CCSER1: variants seen among roughly 807,000 people sequenced by gnomAD.
The protein encoded by CCSER1 is serine-rich coiled-coil domain-containing protein 1.
In CCSER1, 41 loss-of-function variants were observed where a neutral mutation model predicts 82.0. The ratio of observed to expected loss-of-function variants is 0.50; its 90% CI spans 0.39 to 0.65. The LOEUF is 0.65. Among genes scored for constraint, CCSER1 ranks in the 30% least tolerant of loss-of-function variants. The pLI is 0.00. For synonymous variants in CCSER1, 414 were observed against 383.9 expected (o/e 1.08, Z -0.92); for missense variants, 1,119 against 1,064.2 (o/e 1.05, Z -0.72).
At chr4:90,649,988 G>A (rs1029755064) in intron 6 of CCSER1, among the ~76,000 whole-genome samples, 1 of 151,988 alleles carries the variant, frequency 6.6e-6, no homozygotes, top group African/African-American at 2.4e-5. Context: ...AGGCCAAGAC[G>A]GGCAGATCAT....
intron 10 of CCSER1, among the ~76,000 whole-genome samples, chr4:91,582,369 T>C (rs1763771690): frequency 6.6e-6 from 1 of 151,594 alleles, no homozygotes; most frequent in Non-Finnish European, 1.5e-5. Flanking sequence ...AATCTTGTAA[T>C]GCAGGATTTA....
intron 10 of CCSER1, among the ~76,000 whole-genome samples, chr4:91,200,258 T>C (rs968249588): frequency 2.6e-5 from 4 of 152,118 alleles, no homozygotes; most frequent in Non-Finnish European, 1.5e-5. Context: ...AATAAAGTTA[T>C]ATGTTATTGA....
At chr4:91,164,391 T>G (rs1358729538) in intron 10 of CCSER1, among the ~76,000 whole-genome samples, 1 of 152,206 alleles carries the variant, frequency 6.6e-6, no homozygotes, top group Non-Finnish European at 1.5e-5. Context: ...CCTTGGTGAA[T>G]CTGACAATTA....
At chr4:90,833,938 T>C (rs570885905) in intron 8 of CCSER1, among the ~76,000 whole-genome samples, 1 of 152,276 alleles carries the variant, frequency 6.6e-6, no homozygotes, top group East Asian at 1.9e-4. Context: ...TTGTCTACTC[T>C]GTTTGCTTCT....
intron 10 of CCSER1, among the ~76,000 whole-genome samples, chr4:91,364,064 T>C (rs1749444284): frequency 6.6e-6 from 1 of 152,148 alleles, no homozygotes; most frequent in African/African-American, 2.4e-5. Flanking sequence ...GTATACATTA[T>C]TGTAAGAATT....
At chr4:90,278,066 G>A (rs11946195) in intron 1 of CCSER1, among the ~76,000 whole-genome samples, 7,388 of 151,276 alleles carry the variant, frequency 0.049, 476 homozygotes, top group African/African-American at 0.15. Context: ...GGACCCACAA[G>A]CTTATGAAAA....
intron 10 of CCSER1, among the ~76,000 whole-genome samples, chr4:91,167,471 A>G (rs1732216947): frequency 6.6e-6 from 1 of 152,196 alleles, no homozygotes; most frequent in Non-Finnish European, 1.5e-5. Context: ...GGCATGAGCC[A>G]CTGCACCCGG....
chr4:91,304,516 T>A (rs1019797921), intron 10 of CCSER1, among the ~76,000 whole-genome samples: 1 of 152,068 alleles, frequency 6.6e-6, no homozygotes, highest in African/African-American at 2.4e-5. Context: ...TCATCAAAAA[T>A]ATCTTACCTT....
At chr4:91,205,051 A>ACATAAACAT (rs1736229111) in intron 10 of CCSER1, among the ~76,000 whole-genome samples, 2 of 151,744 alleles carry the variant, frequency 1.3e-5, no homozygotes, top group Admixed American at 6.6e-5. Flanking sequence ...TTATTATTAT[A>ACATAAACAT]CATAAACATG....
intron 5 of CCSER1, among the ~76,000 whole-genome samples, chr4:90,472,235 C>G (rs969236323): frequency 4.4e-4 from 67 of 151,956 alleles, no homozygotes; most frequent in Non-Finnish European, 1.3e-4. Context: ...AAATAGTCAT[C>G]TCAGAATATG....
At chr4:90,421,031 G>C (rs1488323256) in intron 4 of CCSER1, among the ~76,000 whole-genome samples, 1 of 152,104 alleles carries the variant, frequency 6.6e-6, no homozygotes, top group African/African-American at 2.4e-5. Flanking sequence ...GCAAACGCTG[G>C]TCTTTCTTCT....
At chr4:90,264,167 A>G (rs116767940) in intron 1 of CCSER1, among the ~76,000 whole-genome samples, 256 of 152,252 alleles carry the variant, frequency 1.7e-3, no homozygotes, top group African/African-American at 6.0e-3. Context: ...CTTTATTGCT[A>G]TTCTTGTCAA....
At chr4:90,320,640 G>A (rs965146137) in intron 3 of CCSER1, among the ~76,000 whole-genome samples, 5 of 152,082 alleles carry the variant, frequency 3.3e-5, no homozygotes, top group Non-Finnish European at 2.9e-5. Context: ...TTTAAAATCC[G>A]CTGCTATTTT....
At chr4:91,405,428 G>A (rs1343051178) in intron 10 of CCSER1, among the ~76,000 whole-genome samples, 1 of 152,152 alleles carries the variant, frequency 6.6e-6, no homozygotes, top group African/African-American at 2.4e-5. Context: ...AATACCAAAA[G>A]CAACAGTAAC....
intron 10 of CCSER1, among the ~76,000 whole-genome samples, chr4:91,165,535 G>T (rs1731949189): frequency 6.6e-6 from 1 of 152,202 alleles, no homozygotes; most frequent in Non-Finnish European, 1.5e-5. Context: ...TGCTCCCAGT[G>T]GTGGGGTCTA....
intron 10 of CCSER1, among the ~76,000 whole-genome samples, chr4:91,128,981 C>T (rs894714994): frequency 2.0e-5 from 3 of 152,066 alleles, no homozygotes; most frequent in Admixed American, 1.3e-4. Flanking sequence ...GAAGGTATAG[C>T]GATATAAGGT....
chr4:90,500,626 C>T (rs1038359972), intron 5 of CCSER1, among the ~76,000 whole-genome samples: 7 of 152,228 alleles, frequency 4.6e-5, no homozygotes, highest in Middle Eastern at 3.4e-3. Flanking sequence ...CCACTGCTCC[C>T]GGCCCACATC....
intron 6 of CCSER1, among the ~76,000 whole-genome samples, chr4:90,700,313 T>C (rs1442271029): frequency 1.3e-5 from 2 of 152,188 alleles, no homozygotes; most frequent in Admixed American, 6.5e-5. Flanking sequence ...ACAAAGGACA[T>C]GAACTCATCC....
intron 10 of CCSER1, among the ~76,000 whole-genome samples, chr4:91,086,567 G>A (rs544957997): frequency 6.6e-6 from 1 of 152,090 alleles, no homozygotes; most frequent in South Asian, 2.1e-4. Context: ...TCAGGTTGCT[G>A]GGAGTTGTGG....
Sources: gnomAD v4.1 joint callset for allele counts (sites outside exome capture counted in the v4.1 genomes callset) on GRCh38, gnomAD v4.1.1 for gene constraint, MANE v1.5 for transcripts, NCBI Gene and HGNC (gene_info 2026-07-23, HGNC 2026-07-21) for gene names.